The following FKBP8 variants were observed in gnomAD, a reference collection of about 807,000 sequenced individuals.
FKBP8 encodes FKBP prolyl isomerase 8.
A neutral mutation model predicts 41.7 loss-of-function variants in FKBP8; 5 were observed. That is an observed-to-expected ratio of 0.12 (90% CI 0.06 to 0.25). The LOEUF (loss-of-function observed/expected upper bound fraction) is 0.25. Ranked by LOEUF, FKBP8 falls within the 10% of genes least tolerant of loss-of-function variation. The pLI, the probability that FKBP8 is intolerant of heterozygous loss-of-function variation, is 1.00. For synonymous variants in FKBP8, 279 were observed against 254.5 expected (o/e 1.10, Z -0.92); for missense variants, 397 against 563.0 (o/e 0.71, Z 2.98).
chr19:18,532,091 G>T lies in FKBP8; in HGVS notation c.*78C>A. On this transcript the variant is annotated 3_prime_UTR_variant, in exon 9 of 9. Transcript: ENST00000608443. ...AGGGGGCCAGACCAGGGAGGGCAGT[G>T]GACAGGGAGCCTGGGGGAGTTGGGG... is the stretch of plus-strand genomic sequence containing the variant. The T allele has an allele frequency of 2.3e-6, 3 of 1,296,910 alleles. No individual in the cohort carries two copies. Among genetic ancestry groups the T allele is most frequent in the Non-Finnish European group, 3.3e-6 (3 of 917,076 alleles). 80.3% of individuals were successfully genotyped at this position (1,296,910 alleles called of 1,614,324 possible). A position where few individuals can be genotyped will look rare whatever the true frequency, so the allele number is the denominator to read the frequency against.
intron 1 of FKBP8, chr19:18,542,201 A>G (rs918964100): frequency 1.6e-6 from 1 of 615,996 alleles, no homozygotes; most frequent in African/African-American, 1.8e-5. Context: ...CATCAGGCTC[A>G]AATAGTGTTA....
chr19:18,534,513 TC>T (rs1976524843), intron 6 of FKBP8, among the ~76,000 whole-genome samples: 1 of 151,834 alleles, frequency 6.6e-6, no homozygotes, highest in Non-Finnish European at 1.5e-5. Flanking sequence ...GGCACCCACC[TC>T]GCTGCCTCCT....
intron 1 of FKBP8, chr19:18,542,978 C>A: frequency 1.9e-6 from 2 of 1,029,650 alleles, no homozygotes; most frequent in African/African-American, 3.7e-5. Context: ...AATTCGGCCT[C>A]CCCTCCCACC....
At position 18,538,856 on chromosome 19, in the gene FKBP8, C is replaced by T. The variant is rs974839106; in HGVS notation, c.552-420G>A. On this transcript the variant is annotated intron_variant, in intron 4 of 8. Transcript: ENST00000608443. This position sits in a 1 kb window ranked among gnomAD's most constrained non-coding sequence, Gnocchi z 4.0. ...TTTTGAGACAGTCTTGCTCTCTTGC[C>T]CAGGCTGGAGTGCAGTGGTGCAATC... 5.5e-5 allele frequency among the ~76,000 whole-genome samples: 8 copies of T among 146,350 alleles called. No individual in the cohort carries two copies. The highest frequency in any genetic ancestry group is 2.0e-4 in the Admixed American group (3 of 14,654).
chr19:18,532,387 C>A (rs1163440455), intron 8 of FKBP8, 132 bp from the exon 9 acceptor site: 5 of 1,010,674 alleles, frequency 4.9e-6, no homozygotes, highest in African/African-American at 1.6e-5. Context: ...CACTTCCTGG[C>A]AAACTCCTAC....
rs537148195 is a variant in FKBP8, at chr19:18,541,786, G to A, written c.185C>T (p.Pro62Leu). 1.9e-5 allele frequency: 31 copies of A among 1,613,844 alleles called. No homozygotes were observed. Among genetic ancestry groups the A allele is most frequent in the African/African-American group, 5.3e-5 (4 of 75,036 alleles). The change falls in exon 2 of 9, where the codon CCG becomes CTG. Residue 62 changes from proline (P) to leucine (L), a missense_variant. By Grantham distance (98) the Pro-to-Leu change is moderately conservative (BLOSUM62 -3). This residue lies in a region of FKBP8 where 172 missense variants were observed against 196.2 expected (regional missense o/e 0.88). Coordinates refer to ENST00000608443, the MANE Select transcript of FKBP8 (RefSeq NM_012181.5). ...LPPLEDMGQP[P>L]AEEAEQPGAL... is the part of the protein sequence containing the mutation. ...CCCAGGCTGCTCAGCCTCCTCCGCC[G>A]GGGGTTGTCCCATGTCCTCCAGCGG... is the stretch of plus-strand genomic sequence containing the variant.
At chr19:18,532,291 G>A (rs1392417744) in intron 8 of FKBP8, 36 bp from the exon 9 acceptor site, 1 of 1,563,722 alleles carries the variant, frequency 6.4e-7, no homozygotes, top group Admixed American at 1.9e-5. Flanking sequence ...AGGGTGGAGG[G>A]AGGTCAAGAC....
chr19:18,541,889 C>A lies in FKBP8; in HGVS notation c.82G>T (p.Asp28Tyr). The change falls in exon 2 of 9, where the codon GAT (aspartate) becomes TAT (tyrosine). Residue 28 changes from aspartate (D) to tyrosine (Y), a missense_variant. Around this residue, in one of 2 missense-constraint regions of FKBP8, gnomAD observed 172 missense variants for 196.2 expected, o/e 0.88. Transcript: ENST00000608443. ...TCACCCTCTGCATCCTCAACCCCATCCAGTACCTCGAAGTCCTCGAGCGGT... is the reference window on the plus strand; with the variant it reads ...TCACCCTCTGCATCCTCAACCCCATACAGTACCTCGAAGTCCTCGAGCGGT... ...VPPLEDFEVL[D>Y]GVEDAEGEEE... is the part of the protein sequence containing the mutation. 1 of 1,613,984 alleles carries A rather than the reference C, an allele frequency of 6.2e-7. No homozygotes were observed. Among genetic ancestry groups the A allele is most frequent in the African/African-American group, 1.3e-5 (1 of 75,042 alleles).
chr19:18,542,990 C>T, intron 1 of FKBP8: 1 of 947,268 alleles, frequency 1.1e-6, no homozygotes. Flanking sequence ...CCTCCCACCC[C>T]CCACCCCAAC....
chr19:18,537,576 G>C lies in FKBP8; in HGVS notation c.945+25C>G, dbSNP rs748380972. On this transcript the variant is annotated intron_variant, in intron 6 of 8. Coordinates refer to ENST00000608443, the MANE Select transcript of FKBP8 (RefSeq NM_012181.5). This position sits in a 1 kb window ranked among gnomAD's most constrained non-coding sequence, Gnocchi z 4.4. Reference sequence around the variant, plus strand: ...CCGTATACCCCAGGCTGAGTGACCCGGCCTGGCACCCCGGTGTGGCCTACC... The same window carrying C: ...CCGTATACCCCAGGCTGAGTGACCCCGCCTGGCACCCCGGTGTGGCCTACC... The C allele has an allele frequency of 1.3e-6, 2 of 1,561,038 alleles. No homozygotes were observed. The highest frequency in any genetic ancestry group is 2.7e-5 in the African/African-American group (2 of 73,750).
At chr19:18,540,265 G>A (rs1976669400) in intron 2 of FKBP8, among the ~76,000 whole-genome samples, 1 of 152,170 alleles carries the variant, frequency 6.6e-6, no homozygotes. Context: ...GAGCCCCTGT[G>A]ACACAGTGTC....
Position 18,541,867 on chromosome 19 carries a change from C to T in FKBP8, c.104G>A (p.Gly35Asp), listed in dbSNP as rs776172610. The T allele has an allele frequency of 1.2e-6, 2 of 1,613,618 alleles. No homozygotes were observed. Among genetic ancestry groups the T allele is most frequent in the African/African-American group, 1.3e-5 (1 of 75,046 alleles). ...EVLDGVEDAE[G>D]EEEEEEEEEE... ...CTCTTCCTCCTCCTCTTCCTCCTCA[C>T]CCTCTGCATCCTCAACCCCATCCAG... Residue 35 changes from glycine (G) to aspartate (D), a missense_variant, in exon 2 of 9, where the codon GGT becomes GAT. Coordinates refer to ENST00000608443, the MANE Select transcript of FKBP8 (RefSeq NM_012181.5).
intron 1 of FKBP8, chr19:18,542,936 G>GCC: frequency 2.7e-6 from 3 of 1,118,254 alleles, no homozygotes; most frequent in Non-Finnish European, 2.2e-6. Context: ...GACCCTCCCA[G>GCC]CCCCCACCCC....
intron 8 of FKBP8, 108 bp downstream of exon 8, chr19:18,532,556 A>G: frequency 6.7e-7 from 1 of 1,493,396 alleles, no homozygotes; most frequent in Non-Finnish European, 9.0e-7. Context: ...CGTCCCCTGC[A>G]TCGCCCAGGA....
Position 18,537,423 on chromosome 19 carries a change from C to A in FKBP8, c.945+178G>T, listed in dbSNP as rs921795754. Among the ~76,000 whole-genome samples, 2 of 152,298 alleles carry A rather than the reference C, an allele frequency of 1.3e-5. No individual in the cohort carries two copies. The highest frequency in any genetic ancestry group is 4.8e-5 in the African/African-American group (2 of 41,570). On this transcript the variant is annotated intron_variant, in intron 6 of 8. Transcript: ENST00000608443. The surrounding 1 kb of genome is among the most constrained non-coding windows in gnomAD (Gnocchi z 4.4). ...CTCGAGGATCAAATTCTGGCCTCAG[C>A]CAATGAATTGTTGTGACCAGGCCAC...
At chr19:18,539,775 G>T (rs754429953) in intron 2 of FKBP8, 55 bp from the exon 3 acceptor site, 6 of 1,578,650 alleles carry the variant, frequency 3.8e-6, no homozygotes, top group Non-Finnish European at 5.2e-6. Flanking sequence ...ACAGGCACCC[G>T]CTCCCCTGAG....
At chr19:18,534,863 A>C (rs1437570583) in intron 6 of FKBP8, among the ~76,000 whole-genome samples, 1 of 151,430 alleles carries the variant, frequency 6.6e-6, no homozygotes, top group East Asian at 1.9e-4. Context: ...TCTTGGCTCA[A>C]TGCAAGCTCT....
At chr19:18,533,908 C>G (rs1179456514) in intron 6 of FKBP8, among the ~76,000 whole-genome samples, 1 of 147,946 alleles carries the variant, frequency 6.8e-6, no homozygotes, top group Non-Finnish European at 1.5e-5. Flanking sequence ...ACTCGGGAGG[C>G]TGAGGCAGGA....
At chr19:18,541,338 C>G (rs982597687) in intron 2 of FKBP8, among the ~76,000 whole-genome samples, 1 of 152,164 alleles carries the variant, frequency 6.6e-6, no homozygotes, top group East Asian at 1.9e-4. Flanking sequence ...ACACATTTTT[C>G]AGAGCCCAAG....
Sources: gnomAD v4.1 joint callset for allele counts (sites outside exome capture counted in the v4.1 genomes callset) on GRCh38, gnomAD v4.1.1 for gene constraint, gnomAD v4.1.1 regional missense constraint, Gnocchi (gnomAD v3.1) non-coding constraint, MANE v1.5 for transcripts, NCBI Gene and HGNC (gene_info 2026-07-23, HGNC 2026-07-21) for gene names.